Variants in MCCC2 observed in about 807,000 individuals in gnomAD.
The protein encoded by MCCC2 is methylcrotonoyl-CoA carboxylase beta chain, mitochondrial.
In MCCC2, 52 loss-of-function variants were observed where a neutral mutation model predicts 77.2. That is an observed-to-expected ratio of 0.67 (90% CI 0.54 to 0.85). The LOEUF (loss-of-function observed/expected upper bound fraction) is 0.85. Among genes scored for constraint, MCCC2 ranks in the 40% least tolerant of loss-of-function variants. The probability of loss-of-function intolerance (pLI) is 0.00; values close to 1 mark genes in which losing one functional copy is unlikely to be tolerated. For missense variants in MCCC2, 682 were observed against 703.2 expected, an observed-to-expected ratio of 0.97 and a Z score of 0.34; for synonymous variants, 253 against 248.4, an observed-to-expected ratio of 1.02 and a Z score of -0.18.
At chr5:71,649,330 A>T (rs959379273) in intron 14 of MCCC2, 77 bp downstream of exon 14, 3 of 1,363,460 alleles carry the variant, frequency 2.2e-6, no homozygotes, top group Admixed American at 1.7e-5. Context: ...TTTCAGGTGT[A>T]TTTGAAATAT....
intron 1 of MCCC2, among the ~76,000 whole-genome samples, chr5:71,587,864 GT>G (rs1421912263): frequency 1.3e-5 from 2 of 152,146 alleles, no homozygotes; most frequent in Admixed American, 1.3e-4. Context: ...GAGTCGCTGT[GT>G]TTATATTGTT....
At chr5:71,635,549 A>G (rs185702695) in intron 10 of MCCC2, 80 of 403,820 alleles carry the variant, frequency 2.0e-4, no homozygotes, top group African/African-American at 1.5e-3. Flanking sequence ...ATGTAAGGCA[A>G]CTTAACAATT....
At position 71,587,390 on chromosome 5, in the gene MCCC2, C is replaced by G. The variant is rs905126198; in HGVS notation, c.-36C>G. On this transcript the variant is annotated 5_prime_UTR_variant, in exon 1 of 17. Coordinates refer to ENST00000340941, the MANE Select transcript of MCCC2 (RefSeq NM_022132.5). Reference sequence around the variant, plus strand: ...GCAGGGGAAAGCACCGGCTCCAGGCCAGCGTGGGCCGCTCTCTCGCTCGGT... The same window carrying G: ...GCAGGGGAAAGCACCGGCTCCAGGCGAGCGTGGGCCGCTCTCTCGCTCGGT... The G allele has an allele frequency of 5.2e-6, 8 of 1,530,592 alleles. No individual in the cohort carries two copies. Among genetic ancestry groups the G allele is most frequent in the South Asian group, 3.6e-5 (3 of 83,498 alleles). 94.8% of individuals were successfully genotyped at this position (1,530,592 alleles called of 1,614,324 possible).
At chr5:71,641,413 A>ATT in intron 11 of MCCC2, 1 of 324,744 alleles carries the variant, frequency 3.1e-6, no homozygotes, top group Non-Finnish European at 5.8e-6. Flanking sequence ...ATTATTTTGA[A>ATT]AGTTTCAGCA....
intron 6 of MCCC2, among the ~76,000 whole-genome samples, chr5:71,606,458 G>T (rs1424785609): frequency 6.6e-6 from 1 of 150,730 alleles, no homozygotes; most frequent in Non-Finnish European, 1.5e-5. Context: ...TTGCTTATCA[G>T]CTTGAGGAGA....
chr5:71,596,809 A>G (rs1311322850), intron 3 of MCCC2, among the ~76,000 whole-genome samples: 2 of 151,984 alleles, frequency 1.3e-5, no homozygotes, highest in African/African-American at 4.8e-5. Flanking sequence ...GCATGGTGGC[A>G]TGTGCTTGTA....
chr5:71,636,872 T>C (rs1329628826), intron 10 of MCCC2, among the ~76,000 whole-genome samples: 1 of 151,496 alleles, frequency 6.6e-6, no homozygotes. Context: ...GCCTCCCGAG[T>C]AGCTGGGATT....
intron 7 of MCCC2, 43 bp from the exon 8 acceptor site, chr5:71,632,078 T>C (rs1238891450): frequency 6.3e-7 from 1 of 1,579,500 alleles, no homozygotes; most frequent in Admixed American, 1.7e-5. Context: ...TTTTTATATG[T>C]CTGATGGACC....
chr5:71,630,467 A>C (rs1005158487), intron 7 of MCCC2, among the ~76,000 whole-genome samples: 13 of 151,948 alleles, frequency 8.6e-5, no homozygotes, highest in African/African-American at 3.1e-4. Context: ...AACTGATGAC[A>C]AATTCTTATT....
intron 6 of MCCC2, among the ~76,000 whole-genome samples, chr5:71,625,555 A>G (rs1746505632): frequency 6.6e-6 from 1 of 152,228 alleles, no homozygotes; most frequent in Non-Finnish European, 1.5e-5. Flanking sequence ...TAACAATGCT[A>G]TGTGAGTGTT....
intron 6 of MCCC2, among the ~76,000 whole-genome samples, chr5:71,612,917 A>G (rs1308463716): frequency 6.6e-6 from 1 of 152,182 alleles, no homozygotes; most frequent in Non-Finnish European, 1.5e-5. Context: ...TGGAAGCCAT[A>G]ACTCTGCAGT....
Position 71,594,527 on chromosome 5 carries a change from C to CAA in MCCC2, c.196+1550_196+1551dup, listed in dbSNP as rs113897050. 4.6e-3 allele frequency among the ~76,000 whole-genome samples: 570 copies of CAA among 123,170 alleles called. 6 individuals are homozygous for CAA. The highest frequency in any genetic ancestry group is 0.013 in the African/African-American group (403 of 31,488). 80.8% of individuals were successfully genotyped at this position (123,170 alleles called of 152,430 possible). On this transcript the variant is annotated intron_variant, in intron 2 of 16. Transcript: ENST00000340941. Reference sequence around the variant, plus strand: ...TGGGTAACAGAGCGAAATTCCGTCTCAAAAAAAAAAAAAAAAGAGGTGGGT... The same window carrying CAA: ...TGGGTAACAGAGCGAAATTCCGTCTCAAAAAAAAAAAAAAAAAAGAGGTGGGT...
intron 2 of MCCC2, among the ~76,000 whole-genome samples, chr5:71,596,029 G>A (rs1224315892): frequency 6.6e-6 from 1 of 152,108 alleles, no homozygotes; most frequent in East Asian, 1.9e-4. Context: ...AACTACTAGT[G>A]AATTCAGAAC....
intron 6 of MCCC2, among the ~76,000 whole-genome samples, chr5:71,626,209 T>G (rs1746523598): frequency 6.6e-6 from 1 of 152,228 alleles, no homozygotes; most frequent in African/African-American, 2.4e-5. Flanking sequence ...CACAAAATAT[T>G]AATAACATCC....
At chr5:71,590,816 C>CAA (rs35575009) in intron 1 of MCCC2, among the ~76,000 whole-genome samples, 83 of 129,970 alleles carry the variant, frequency 6.4e-4, no homozygotes, top group Middle Eastern at 4.0e-3. Context: ...GACTCCGTCT[C>CAA]AAAAAAAAAA....
At chr5:71,646,391 A>G (rs942611470) in intron 13 of MCCC2, 114 bp downstream of exon 13, 19 of 894,722 alleles carry the variant, frequency 2.1e-5, no homozygotes, top group Non-Finnish European at 3.5e-5. Context: ...AGGAAGTTCT[A>G]CTGGACATGC....
intron 6 of MCCC2, among the ~76,000 whole-genome samples, chr5:71,608,858 G>C (rs1210057885): frequency 6.6e-6 from 1 of 152,118 alleles, no homozygotes; most frequent in Non-Finnish European, 1.5e-5. Context: ...GAAATTCTGG[G>C]TTGCAAATTC....
At chr5:71,642,158 A>G (rs1333961573) in intron 11 of MCCC2, among the ~76,000 whole-genome samples, 4 of 151,568 alleles carry the variant, frequency 2.6e-5, no homozygotes, top group East Asian at 1.9e-4. Context: ...GGTTTCTTCC[A>G]TCTCTTGACT....
At position 71,621,898 on chromosome 5, in the gene MCCC2, A is replaced by G. The variant is rs181550663; in HGVS notation, c.625-4742A>G. 5.0e-3 allele frequency among the ~76,000 whole-genome samples: 766 copies of G among 152,340 alleles called. 3 individuals are homozygous for G. The highest frequency in any genetic ancestry group is 7.0e-3 in the Non-Finnish European group (473 of 68,024). ...CATTTAAAGTAACTTAAAGTATGTA[A>G]TTGGATTGTTTACAACTCAATGGAT... On this transcript the variant is annotated intron_variant, in intron 6 of 16. Coordinates refer to ENST00000340941, the MANE Select transcript of MCCC2 (RefSeq NM_022132.5).
Sources: gnomAD v4.1 joint callset for allele counts (sites outside exome capture counted in the v4.1 genomes callset) on GRCh38, gnomAD v4.1.1 for gene constraint, MANE v1.5 for transcripts, NCBI Gene and HGNC (gene_info 2026-07-23, HGNC 2026-07-21) for gene names.